Variants in PIK3R1 observed in about 807,000 individuals in gnomAD.
The protein encoded by PIK3R1 is phosphatidylinositol 3-kinase regulatory subunit alpha.
A neutral mutation model predicts 98.0 loss-of-function variants in PIK3R1; 29 were observed. The observed-to-expected ratio is 0.30, with a 90% CI of 0.22 to 0.40. PIK3R1 has a LOEUF of 0.40. PIK3R1 is among the 10% of genes least tolerant of loss of function. The pLI, the probability that PIK3R1 is intolerant of heterozygous loss-of-function variation, is 1.00. For missense variants in PIK3R1, 596 were observed against 872.7 expected (o/e 0.68, Z 3.99); for synonymous variants, 282 against 311.8 (o/e 0.90, Z 1.01).
intron 1 of PIK3R1, among the ~76,000 whole-genome samples, chr5:68,216,745 T>C (rs369499434): frequency 3.9e-5 from 6 of 152,330 alleles, no homozygotes; most frequent in Admixed American, 6.5e-5. Flanking sequence ...AGCTAAAATA[T>C]CGTGGGCAAT....
chr5:68,236,152 C>G (rs1195478016), intron 2 of PIK3R1, among the ~76,000 whole-genome samples: 1 of 151,154 alleles, frequency 6.6e-6, no homozygotes, highest in East Asian at 2.0e-4. Flanking sequence ...ATTACCAGCG[C>G]GAGCCACCAC....
intron 7 of PIK3R1, among the ~76,000 whole-genome samples, chr5:68,284,093 T>G (rs1746970822): frequency 6.6e-6 from 1 of 152,198 alleles, no homozygotes; most frequent in African/African-American, 2.4e-5. Flanking sequence ...TAACTCAGCT[T>G]TTCCAAATTG....
rs572616846 is a variant in PIK3R1 at position 68,240,688 on chromosome 5, G to A, written c.334+13679G>A. Among the ~76,000 whole-genome samples the A allele has an allele frequency of 3.3e-5, 5 of 152,256 alleles. No homozygotes were observed. In the South Asian group the frequency reaches 6.2e-4, roughly 19 times the overall value. ...GTTTTTTATCCCCATAACTGCTTTC[G>A]GTGAATGCCAATCTAGTTGTTACAT... On this transcript the variant is annotated intron_variant, in intron 2 of 15. Transcript: ENST00000521381.
intron 7 of PIK3R1, 53 bp downstream of exon 7, chr5:68,281,059 T>A: frequency 8.4e-7 from 1 of 1,194,214 alleles, no homozygotes; most frequent in Non-Finnish European, 1.2e-6. Context: ...TTTAGAGCCT[T>A]AAAAAATGAT....
intron 11 of PIK3R1, 113 bp downstream of exon 11, chr5:68,293,947 G>T: frequency 1.2e-6 from 1 of 801,452 alleles, no homozygotes; most frequent in East Asian, 2.8e-5. Context: ...GGGGGTGAGA[G>T]CATTTATTTG....
chr5:68,283,813 T>C (rs1315783834), intron 7 of PIK3R1, among the ~76,000 whole-genome samples: 1 of 152,204 alleles, frequency 6.6e-6, no homozygotes, highest in African/African-American at 2.4e-5. Flanking sequence ...CCATTCTATC[T>C]GCCATGCCCT....
chr5:68,294,510 A>T (rs757628130), intron 11 of PIK3R1, 26 bp from the exon 12 acceptor site: 2 of 1,572,692 alleles, frequency 1.3e-6, no homozygotes, highest in South Asian at 2.3e-5. Flanking sequence ...AAGGTATGAC[A>T]TTATCTTTTT....
Position 68,226,333 on chromosome 5 carries a change from A to T in PIK3R1, c.-343A>T. 2.3e-6 allele frequency: 1 copy of T among 437,512 alleles called. No homozygotes were observed. Among genetic ancestry groups the T allele is most frequent in the Non-Finnish European group, 4.0e-6 (1 of 248,160 alleles). The allele number at this position is 437,512 out of a possible 1,614,324, so 27.1% of individuals were successfully genotyped here. On this transcript the variant is annotated 5_prime_UTR_variant, in exon 2 of 16. It removes an upstream start codon present in the reference 5' UTR. Coordinates refer to ENST00000521381, the MANE Select transcript of PIK3R1 (RefSeq NM_181523.3). ...GTGCCACGGTACAATCAGACGACAG[A>T]TGGACAGTGTGACAAAAGTGTCAGA...
At chr5:68,228,167 A>T (rs1428611772) in intron 2 of PIK3R1, among the ~76,000 whole-genome samples, 1 of 152,230 alleles carries the variant, frequency 6.6e-6, no homozygotes, top group Non-Finnish European at 1.5e-5. Context: ...CTGGCATCAC[A>T]GGATATTTCT....
chr5:68,263,622 C>G (rs1746000693), intron 2 of PIK3R1, among the ~76,000 whole-genome samples: 1 of 152,052 alleles, frequency 6.6e-6, no homozygotes, highest in African/African-American at 2.4e-5. Flanking sequence ...AACTCTGATT[C>G]CTTACACAAT....
chr5:68,294,404 A>C, intron 11 of PIK3R1, 132 bp from the exon 12 acceptor site: 1 of 540,676 alleles, frequency 1.8e-6, no homozygotes, highest in Non-Finnish European at 3.0e-6. Context: ...TTTCTGGGAT[A>C]CTGTTTTAAT....
chr5:68,244,359 T>C (rs1390054408), intron 2 of PIK3R1, among the ~76,000 whole-genome samples: 3 of 152,050 alleles, frequency 2.0e-5, no homozygotes, highest in African/African-American at 7.2e-5. Context: ...ATTAAAGACT[T>C]TGGGATTTAT....
intron 1 of PIK3R1, among the ~76,000 whole-genome samples, chr5:68,221,968 G>A (rs1033903866): frequency 3.9e-5 from 6 of 152,166 alleles, no homozygotes; most frequent in African/African-American, 9.7e-5. Flanking sequence ...TTACTTGTTC[G>A]TAGGATTCCT....
rs536038364 is a variant in PIK3R1, at chr5:68,299,956, A to G, written c.*2355A>G. 4.3e-6 allele frequency: 1 copy of G among 233,284 alleles called. No homozygotes were observed. Among genetic ancestry groups the G allele is most frequent in the East Asian group, 6.0e-5 (1 of 16,576 alleles). 14.5% of individuals were successfully genotyped at this position (233,284 alleles called of 1,614,324 possible). A position where few individuals can be genotyped will look rare whatever the true frequency, so the allele number is the denominator to read the frequency against. Reference sequence around the variant, plus strand: ...AGTTATTGTGATATCCTTCTAGATCATACACAAGTCTAACAGTTAATTAGT... The same window carrying G: ...AGTTATTGTGATATCCTTCTAGATCGTACACAAGTCTAACAGTTAATTAGT... On this transcript the variant is annotated 3_prime_UTR_variant, in exon 16 of 16. Transcript: ENST00000521381.
intron 2 of PIK3R1, among the ~76,000 whole-genome samples, chr5:68,248,520 T>A (rs1190691715): frequency 1.3e-5 from 2 of 152,234 alleles, no homozygotes; most frequent in African/African-American, 4.8e-5. Context: ...GTGGACATCC[T>A]AACAAATTTA....
intron 2 of PIK3R1, among the ~76,000 whole-genome samples, chr5:68,246,617 G>A (rs1452381942): frequency 6.6e-6 from 1 of 152,070 alleles, no homozygotes; most frequent in Non-Finnish European, 1.5e-5. Context: ...CCGTCCATGT[G>A]TGTCTTTTTT....
chr5:68,220,523 G>A (rs1449852896), intron 1 of PIK3R1, among the ~76,000 whole-genome samples: 4 of 152,312 alleles, frequency 2.6e-5, no homozygotes, highest in Non-Finnish European at 2.9e-5. Flanking sequence ...CTGGGCCAGG[G>A]TCATTCCTCT....
At chr5:68,239,767 C>T in intron 2 of PIK3R1, 1 of 443,358 alleles carries the variant, frequency 2.3e-6, no homozygotes, top group South Asian at 1.9e-5. Flanking sequence ...CAGATGACTC[C>T]CTGGCTTGCC....
intron 2 of PIK3R1, among the ~76,000 whole-genome samples, chr5:68,240,613 A>T (rs1744837291): frequency 6.6e-6 from 1 of 152,106 alleles, no homozygotes; most frequent in South Asian, 2.1e-4. Context: ...TCTGCAGCAG[A>T]CTCTGAGACC....
Sources: gnomAD v4.1 joint callset for allele counts (sites outside exome capture counted in the v4.1 genomes callset) on GRCh38, gnomAD v4.1.1 for gene constraint, MANE v1.5 for transcripts, NCBI Gene and HGNC (gene_info 2026-07-23, HGNC 2026-07-21) for gene names.